Variants in ICAM1 observed in about 807,000 individuals in gnomAD.
ICAM1 encodes intercellular adhesion molecule 1.
Under a neutral mutation model 42.3 loss-of-function variants are expected in ICAM1, and 28 were observed. The ratio of observed to expected loss-of-function variants is 0.66; its 90% CI spans 0.49 to 0.91. ICAM1 has a LOEUF of 0.91. Ranked by LOEUF, ICAM1 falls within the 40% of genes least tolerant of loss-of-function variation. ICAM1 has a pLI of 0.00. For missense variants in ICAM1, 637 were observed against 688.6 expected, an observed-to-expected ratio of 0.93 and a Z score of 0.84; for synonymous variants, 304 against 305.9, an observed-to-expected ratio of 0.99 and a Z score of 0.07.
At position 10,272,626 on chromosome 19, in the gene ICAM1, G is replaced by A. The variant is rs1317354227; in HGVS notation, c.67+1400G>A. On this transcript the variant is annotated intron_variant, in intron 1 of 6. Transcript: ENST00000264832. ...GTCGCCCAGGCTGGAGTGCAGTGGC[G>A]TGATCTCGGCTCACTGCAACCTCTG... Among the ~76,000 whole-genome samples, 4 of 137,488 alleles carry A rather than the reference G, an allele frequency of 2.9e-5. No individual in the cohort carries two copies. The Admixed American group carries it at 3.2e-4, about 11-fold the overall frequency. The allele number at this position is 137,488 out of a possible 152,430, so 90.2% of individuals were successfully genotyped here.
At position 10,274,918 on chromosome 19, in the gene ICAM1, A is replaced by G. The variant is rs369268780; in HGVS notation, c.221A>G (p.Asn74Ser). The G allele has an allele frequency of 7.0e-5, 113 of 1,614,130 alleles. No individual in the cohort carries two copies. The highest frequency in any genetic ancestry group is 9.4e-5 in the Non-Finnish European group (111 of 1,180,060). ...AAAAAGGAGTTGCTCCTGCCTGGGA[A>G]CAACCGGAAGGTGTATGAACTGAGC... ...LPKKELLLPG[N>S]NRKVYELSNV... The change falls in exon 2 of 7, where the codon AAC becomes AGC. Residue 74 changes from asparagine to serine, a missense_variant. Transcript: ENST00000264832.
chr19:10,273,971 G>A (rs186007371), intron 1 of ICAM1, among the ~76,000 whole-genome samples: 28 of 151,278 alleles, frequency 1.9e-4, no homozygotes, highest in African/African-American at 6.3e-4. Context: ...CTGAGATTGC[G>A]CCACTGCACT....
intron 2 of ICAM1, among the ~76,000 whole-genome samples, chr19:10,277,337 C>T (rs1482982136): frequency 2.6e-5 from 4 of 152,064 alleles, no homozygotes; most frequent in East Asian, 1.9e-4. Context: ...TGGGCCACTA[C>T]GCCTGGCAAA....
rs1234767726 is a variant in ICAM1 at position 10,286,222 on chromosome 19, C to T, written c.*935C>T. ...ATATGCCCAAGCTATGCCTTGTCCT[C>T]TTGTCCTGTTTGCATTTCACTGGGA... On this transcript the variant is annotated 3_prime_UTR_variant, in exon 7 of 7. Transcript: ENST00000264832. 6.6e-6 allele frequency: 1 copy of T among 152,432 alleles called. No homozygotes were observed. 9.4% of individuals were successfully genotyped at this position (152,432 alleles called of 1,614,324 possible). A position where few individuals can be genotyped will look rare whatever the true frequency, so the allele number is the denominator to read the frequency against.
chr19:10,284,209 G>T lies in ICAM1; in HGVS notation c.814G>T (p.Ala272Ser), dbSNP rs1266308413. 1 of 1,613,862 alleles carries T rather than the reference G, an allele frequency of 6.2e-7. No individual in the cohort carries two copies. Reference sequence around the variant, plus strand: ...CACCTATGGCAACGACTCCTTCTCGGCCAAGGCCTCAGTCAGTGTGACCGC... The same window carrying T: ...CACCTATGGCAACGACTCCTTCTCGTCCAAGGCCTCAGTCAGTGTGACCGC... Reference protein sequence around the residue: ...TVTYGNDSFSAKASVSVTAED... With the variant: ...TVTYGNDSFSSKASVSVTAED... The change falls in exon 4 of 7, where the codon GCC becomes TCC. Residue 272 changes from alanine (A) to serine (S), a missense_variant. By Grantham distance (99) the Ala-to-Ser change is moderately conservative (BLOSUM62 1). Coordinates refer to ENST00000264832, the MANE Select transcript of ICAM1 (RefSeq NM_000201.3). This position sits in a 1 kb window ranked among gnomAD's most constrained non-coding sequence, Gnocchi z 5.4.
At position 10,285,380 on chromosome 19, in the gene ICAM1, T is replaced by C; in HGVS notation, c.*93T>C. On this transcript the variant is annotated 3_prime_UTR_variant, in exon 7 of 7. Transcript: ENST00000264832. ...GAGTGGAAGACATATGCCATGCAGC[T>C]ACACCTACCGGCCCTGGGACGCCGG... 2 of 1,258,708 alleles carry C rather than the reference T, an allele frequency of 1.6e-6. No homozygotes were observed. Among genetic ancestry groups the C allele is most frequent in the Non-Finnish European group, 2.2e-6 (2 of 899,048 alleles). The allele number at this position is 1,258,708 out of a possible 1,614,324, so 78.0% of individuals were successfully genotyped here.
In ICAM1 at chr19:10,286,372, G is replaced by GTA. The variant is rs1055170971; in HGVS notation, c.*1087_*1088dup. The GTA allele has an allele frequency of 2.0e-5, 3 of 151,514 alleles. No individual in the cohort carries two copies. Among genetic ancestry groups the GTA allele is most frequent in the Non-Finnish European group, 2.9e-5 (2 of 68,000 alleles). The allele number at this position is 151,514 out of a possible 1,614,324, so 9.4% of individuals were successfully genotyped here. On this transcript the variant is annotated 3_prime_UTR_variant, in exon 7 of 7. Coordinates refer to ENST00000264832, the MANE Select transcript of ICAM1 (RefSeq NM_000201.3). ...GCCTCATCCGCGTGTGTGTGTGTGTGTATGTGTAGACAAGCTCTCGCTCTG... is the reference window on the plus strand; with the variant it reads ...GCCTCATCCGCGTGTGTGTGTGTGTGTATATGTGTAGACAAGCTCTCGCTCTG...
At chr19:10,275,131 G>C (rs1443396132) in intron 2 of ICAM1, 103 bp downstream of exon 2, 2 of 1,182,494 alleles carry the variant, frequency 1.7e-6, no homozygotes, top group Non-Finnish European at 2.4e-6. Flanking sequence ...TTGCTCGTAG[G>C]GTCAAGGAGG....
chr19:10,278,907 A>G (rs553323402), intron 2 of ICAM1, among the ~76,000 whole-genome samples: 49 of 151,922 alleles, frequency 3.2e-4, no homozygotes, highest in Middle Eastern at 3.4e-3. Flanking sequence ...TTCTCCCTCT[A>G]TGACTGTGGG....
intron 2 of ICAM1, among the ~76,000 whole-genome samples, chr19:10,278,370 C>T (rs2040031323): frequency 6.6e-6 from 1 of 151,994 alleles, no homozygotes; most frequent in South Asian, 2.1e-4. Flanking sequence ...ATCATTGTGT[C>T]AGGGCAAGGA....
intron 2 of ICAM1, among the ~76,000 whole-genome samples, chr19:10,276,544 C>CA (rs71162059): frequency 0.45 from 32,621 of 72,504 alleles, 6,276 homozygotes; most frequent in Middle Eastern, 0.62. Flanking sequence ...GACTCCATCT[C>CA]AAAAAAAAAA....
rs747745154 is a variant in ICAM1 at position 10,284,042 on chromosome 19, C to T, written c.647C>T (p.Ala216Val). 14 of 1,612,576 alleles carry T rather than the reference C, an allele frequency of 8.7e-6. No individual in the cohort carries two copies. The highest frequency in any genetic ancestry group is 2.2e-5 in the East Asian group (1 of 44,852). The change falls in exon 4 of 7, where the codon GCG becomes GTG. Residue 216 changes from alanine to valine, a missense_variant. Coordinates refer to ENST00000264832, the MANE Select transcript of ICAM1 (RefSeq NM_000201.3). This position sits in a 1 kb window ranked among gnomAD's most constrained non-coding sequence, Gnocchi z 5.4. The stretch of plus-strand genomic sequence containing the variant: ...TTTCTTCTCTCCCTAGTCCTGCCAG[C>T]GACTCCCCCACAACTTGTCAGCCCC... ...PYQLQTFVLPATPPQLVSPRV... is the reference protein window; with the variant it reads ...PYQLQTFVLPVTPPQLVSPRV...
intron 1 of ICAM1, among the ~76,000 whole-genome samples, chr19:10,272,604 G>A (rs5030342): frequency 3.3e-5 from 4 of 122,396 alleles, no homozygotes; most frequent in Non-Finnish European, 4.7e-5. Context: ...TCACTCTGTC[G>A]CCCAGGCTGG....
Position 10,285,427 on chromosome 19 carries a change from T to C in ICAM1, c.*140T>C. 1 of 743,460 alleles carries C rather than the reference T, an allele frequency of 1.3e-6. No individual in the cohort carries two copies. Among genetic ancestry groups the C allele is most frequent in the Non-Finnish European group, 2.2e-6 (1 of 455,166 alleles). The allele number at this position is 743,460 out of a possible 1,614,324, so 46.1% of individuals were successfully genotyped here. A position where few individuals can be genotyped will look rare whatever the true frequency, so the allele number is the denominator to read the frequency against. ...CCGGAGGACAGGGCATTGTCCTCAG[T>C]CAGATACAACAGCATTTGGGGCCAT... On this transcript the variant is annotated 3_prime_UTR_variant, in exon 7 of 7. Coordinates refer to ENST00000264832, the MANE Select transcript of ICAM1 (RefSeq NM_000201.3).
chr19:10,274,768 C>T lies in ICAM1; in HGVS notation c.71C>T (p.Pro24Leu), dbSNP rs2040004926. 6 of 1,612,184 alleles carry T rather than the reference C, an allele frequency of 3.7e-6. No homozygotes were observed. The highest frequency in any genetic ancestry group is 5.1e-6 in the Non-Finnish European group (6 of 1,178,506). ...CCTCTTCCCTCGTTTCTTCTAGGAC[C>T]TGGCAATGCCCAGACATCTGTGTCC... ...LVLLGALFPGPGNAQTSVSPS... is the reference protein window; with the variant it reads ...LVLLGALFPGLGNAQTSVSPS... Residue 24 changes from proline to leucine, a missense_variant, in exon 2 of 7, where the codon CCT becomes CTT. Coordinates refer to ENST00000264832, the MANE Select transcript of ICAM1 (RefSeq NM_000201.3).
rs5030344 is a variant in ICAM1 at position 10,272,977 on chromosome 19, G to A, written c.67+1751G>A. Among the ~76,000 whole-genome samples, 1,154 of 152,262 alleles carry A rather than the reference G, an allele frequency of 7.6e-3. 9 individuals carry two copies. Among genetic ancestry groups the A allele is most frequent in the African/African-American group, 0.026 (1,086 of 41,544 alleles). ...TGAGGCCCAAAGAGGGGGAAACTAC[G>A]TGTCTCAGGGAGTGAGGAGCCAGTC... On this transcript the variant is annotated intron_variant, in intron 1 of 6. Transcript: ENST00000264832.
intron 1 of ICAM1, among the ~76,000 whole-genome samples, chr19:10,274,075 C>T (rs764852603): frequency 3.9e-5 from 6 of 152,120 alleles, no homozygotes; most frequent in South Asian, 2.1e-4. Context: ...CGGGATCTTC[C>T]TGAATTAATC....
intron 1 of ICAM1, among the ~76,000 whole-genome samples, chr19:10,272,539 CTTCT>C (rs1276326819): frequency 1.3e-5 from 2 of 150,122 alleles, no homozygotes; most frequent in African/African-American, 2.5e-5. Context: ...AAATAAGCCC[CTTCT>C]TTCTTTCTTT....
Position 10,284,715 on chromosome 19 carries a change from T to C in ICAM1, c.1180+58T>C. ...CCCCAAGGCCCAATCTCCCTGAAGG[T>C]CCCATAAGGTCTTGCCTCCAAGTCC... On this transcript the variant is annotated intron_variant, in intron 5 of 6. Transcript: ENST00000264832. The surrounding 1 kb of genome is among the most constrained non-coding windows in gnomAD (Gnocchi z 5.4). 6.2e-7 allele frequency: 1 copy of C among 1,608,856 alleles called. No homozygotes were observed. The highest frequency in any genetic ancestry group is 8.5e-7 in the Non-Finnish European group (1 of 1,178,540).
Sources: gnomAD v4.1 joint callset for allele counts (sites outside exome capture counted in the v4.1 genomes callset) on GRCh38, gnomAD v4.1.1 for gene constraint, Gnocchi (gnomAD v3.1) non-coding constraint, MANE v1.5 for transcripts, NCBI Gene and HGNC (gene_info 2026-07-23, HGNC 2026-07-21) for gene names.